The following MID2 variants were observed in gnomAD, a reference collection of about 807,000 sequenced individuals.
The protein encoded by MID2 is probable E3 ubiquitin-protein ligase MID2.
A neutral mutation model predicts 46.1 loss-of-function variants in MID2; 13 were observed. That is an observed-to-expected ratio of 0.28 (90% CI 0.18 to 0.45). The LOEUF is 0.45. Among genes scored for constraint, MID2 ranks in the 20% least tolerant of loss-of-function variants. The pLI is 1.00. For synonymous variants in MID2, 199 were observed against 212.3 expected, an observed-to-expected ratio of 0.94 and a Z score of 0.55; for missense variants, 431 against 575.4, an observed-to-expected ratio of 0.75 and a Z score of 2.57.
At chrX:107,844,940 G>A (rs1602461039) in intron 2 of MID2, among the ~76,000 whole-genome samples, 1 of 111,751 alleles carries the variant, frequency 8.9e-6, no homozygotes, top group South Asian at 3.7e-4. Flanking sequence ...TTAGTTTCTA[G>A]TACACATAGT....
chrX:107,838,659 A>G (rs1931261017), intron 1 of MID2, among the ~76,000 whole-genome samples: 1 of 112,590 alleles, frequency 8.9e-6, no homozygotes, highest in Non-Finnish European at 1.9e-5. Flanking sequence ...GTGTACATCT[A>G]TTGTACTTAG....
At chrX:107,858,553 C>T (rs186936376) in intron 3 of MID2, among the ~76,000 whole-genome samples, 158 of 112,100 alleles carry the variant, frequency 1.4e-3, no homozygotes, top group Non-Finnish European at 2.5e-3. Flanking sequence ...ATTGAGCATA[C>T]GCTGTGTACT....
intron 2 of MID2, among the ~76,000 whole-genome samples, chrX:107,843,813 G>A (rs73527030): frequency 0.028 from 3,137 of 110,436 alleles, 119 homozygotes; most frequent in African/African-American, 0.098. Context: ...AATCATTTAG[G>A]ATTACCCCCT....
intron 1 of MID2, among the ~76,000 whole-genome samples, chrX:107,836,116 G>A (rs752417343): frequency 2.7e-5 from 3 of 112,269 alleles, no homozygotes; most frequent in Non-Finnish European, 5.6e-5. Flanking sequence ...GTTGAAAAGA[G>A]TATTCTTTCT....
At chrX:107,875,451 T>C (rs529385031) in intron 3 of MID2, among the ~76,000 whole-genome samples, 6 of 111,737 alleles carry the variant, frequency 5.4e-5, no homozygotes, top group African/African-American at 2.0e-4. Flanking sequence ...CTTTCCTAAC[T>C]TCTGGTTTCA....
chrX:107,828,585 C>T (rs777500075), intron 1 of MID2, among the ~76,000 whole-genome samples: 2 of 111,788 alleles, frequency 1.8e-5, no homozygotes, highest in East Asian at 2.8e-4. Context: ...GGATTACAGG[C>T]GAGAGCGACA....
At chrX:107,888,415 TTCCA>T (rs1482476520) in intron 3 of MID2, among the ~76,000 whole-genome samples, 2 of 112,318 alleles carry the variant, frequency 1.8e-5, no homozygotes, top group African/African-American at 6.5e-5. Context: ...GTTGTTCAGT[TTCCA>T]TGTAGTTGAG....
chrX:107,837,893 C>G (rs780909507), intron 1 of MID2, among the ~76,000 whole-genome samples: 3 of 112,277 alleles, frequency 2.7e-5, no homozygotes, highest in African/African-American at 9.7e-5. Flanking sequence ...GAATGCTAGA[C>G]CCCTTCTTAC....
Position 107,929,183 on chromosome X carries a change from C to T in MID2, c.*2110C>T, listed in dbSNP as rs1217045884. ...TAAATATTAATCTCTTTCCTTACTC[C>T]CAGCTCCAATACAGCGTAACAGTGC... On this transcript the variant is annotated 3_prime_UTR_variant, in exon 10 of 10. Transcript: ENST00000262843. Among the ~76,000 whole-genome samples the T allele has an allele frequency of 1.8e-5, 2 of 112,010 alleles. No homozygotes were observed. Among genetic ancestry groups the T allele is most frequent in the African/African-American group, 6.5e-5 (2 of 30,821 alleles).
chrX:107,909,643 G>A (rs1334808291), intron 5 of MID2, among the ~76,000 whole-genome samples: 2 of 111,540 alleles, frequency 1.8e-5, no homozygotes, highest in Non-Finnish European at 3.8e-5. Flanking sequence ...TCAAACAAAC[G>A]CTCCTGTAGT....
At chrX:107,903,252 C>CCAT (rs1458857890) in intron 3 of MID2, among the ~76,000 whole-genome samples, 1 of 110,289 alleles carries the variant, frequency 9.1e-6, no homozygotes, top group Middle Eastern at 4.3e-3. Flanking sequence ...GGGCTCTGTA[C>CCAT]CATCTAGTGT....
At chrX:107,910,916 C>T (rs1323640533) in intron 5 of MID2, among the ~76,000 whole-genome samples, 2 of 90,129 alleles carry the variant, frequency 2.2e-5, no homozygotes, top group East Asian at 7.0e-4. Context: ...TGCAGTGGCA[C>T]GATCTCAGCT....
intron 1 of MID2, among the ~76,000 whole-genome samples, chrX:107,828,020 C>T: frequency 8.9e-6 from 1 of 112,180 alleles, no homozygotes; most frequent in East Asian, 2.8e-4. Flanking sequence ...ACAGATTTCT[C>T]ATGAATGGTT....
At position 107,926,939 on chromosome X, in the gene MID2, A is replaced by G; in HGVS notation, c.2074A>G (p.Thr692Ala). 8.3e-7 allele frequency: 1 copy of G among 1,211,284 alleles called. No homozygotes were observed. The highest frequency in any genetic ancestry group is 1.1e-6 in the Non-Finnish European group (1 of 895,165). ...TFILPVCPTF[T>A]IWNKSLMILS... ...CATTCTTCCAGTTTGTCCAACATTT[A>G]CAATCTGGAACAAATCCCTAATGAT... Residue 692 changes from threonine to alanine, a missense_variant, in exon 10 of 10, where the codon ACA (threonine) becomes GCA (alanine). Transcript: ENST00000262843.
intron 5 of MID2, among the ~76,000 whole-genome samples, chrX:107,913,693 C>G (rs1412483004): frequency 9.0e-6 from 1 of 111,723 alleles, no homozygotes; most frequent in Admixed American, 9.5e-5. Context: ...TTCTTTGATG[C>G]TTTGTGAATT....
intron 1 of MID2, among the ~76,000 whole-genome samples, chrX:107,829,127 C>T (rs1287074139): frequency 2.7e-5 from 3 of 112,000 alleles, no homozygotes; most frequent in African/African-American, 9.8e-5. Flanking sequence ...GATCCACCTG[C>T]CAAGTCCAAG....
intron 3 of MID2, among the ~76,000 whole-genome samples, chrX:107,883,613 C>T (rs765076748): frequency 8.9e-6 from 1 of 112,427 alleles, no homozygotes; most frequent in South Asian, 3.7e-4. Context: ...TATGGCATAG[C>T]TTATTTTTAT....
At chrX:107,841,439 G>C (rs1476885250) in intron 2 of MID2, 54 bp downstream of exon 2, 2 of 920,212 alleles carry the variant, frequency 2.2e-6, no homozygotes, top group African/African-American at 4.0e-5. Context: ...AATGCAGTTA[G>C]CAAGTTCTCT....
At chrX:107,924,576 G>A in intron 8 of MID2, 72 bp downstream of exon 8, 1 of 1,064,379 alleles carries the variant, frequency 9.4e-7, no homozygotes, top group South Asian at 2.0e-5. Flanking sequence ...AGCCTGAGCA[G>A]GCACTCACAG....
Sources: allele counts gnomAD v4.1 joint callset (sites outside exome capture counted in the v4.1 genomes callset), GRCh38; gene constraint gnomAD v4.1.1; transcripts MANE v1.5; gene names NCBI Gene and HGNC (gene_info 2026-07-23, HGNC 2026-07-21).